The following ARHGAP15 variants were observed in gnomAD, a reference collection of about 807,000 sequenced individuals.
ARHGAP15 encodes rho GTPase-activating protein 15.
Under a neutral mutation model 63.7 loss-of-function variants are expected in ARHGAP15, and 51 were observed. That is an observed-to-expected ratio of 0.80 (90% CI 0.64 to 1.01). The LOEUF (loss-of-function observed/expected upper bound fraction) is 1.01. Among genes scored for constraint, ARHGAP15 ranks in the 50% least tolerant of loss-of-function variants. ARHGAP15 has a pLI of 0.00. For synonymous variants in ARHGAP15, 191 were observed against 193.8 expected (o/e 0.99, Z 0.12); for missense variants, 560 against 564.6 (o/e 0.99, Z 0.08).
chr2:143,694,403 T>C (rs1248125433), intron 12 of ARHGAP15, among the ~76,000 whole-genome samples: 1 of 152,214 alleles, frequency 6.6e-6, no homozygotes, highest in Non-Finnish European at 1.5e-5. Flanking sequence ...TGTGGTAAAA[T>C]GATCATGATA....
chr2:143,272,618 A>C (rs1478472330), intron 6 of ARHGAP15, among the ~76,000 whole-genome samples: 1 of 152,154 alleles, frequency 6.6e-6, no homozygotes, highest in Admixed American at 6.5e-5. Context: ...GCGCCACTGC[A>C]CTCCAGCCTG....
At chr2:143,290,440 A>T (rs1682335039) in intron 6 of ARHGAP15, among the ~76,000 whole-genome samples, 1 of 152,114 alleles carries the variant, frequency 6.6e-6, no homozygotes, top group Non-Finnish European at 1.5e-5. Context: ...AAAAAAAAAA[A>T]GGGCAGCGGC....
chr2:143,286,808 T>C (rs1333295321), intron 6 of ARHGAP15, among the ~76,000 whole-genome samples: 1 of 152,162 alleles, frequency 6.6e-6, no homozygotes, highest in Non-Finnish European at 1.5e-5. Flanking sequence ...GTGAACATCA[T>C]AGAGTGGAAT....
chr2:143,456,621 A>AC (rs5834948), intron 8 of ARHGAP15, among the ~76,000 whole-genome samples: 2 of 152,138 alleles, frequency 1.3e-5, no homozygotes, highest in South Asian at 2.1e-4. Context: ...TCTTCAAGAC[A>AC]GTTATATGTT....
intron 11 of ARHGAP15, among the ~76,000 whole-genome samples, chr2:143,581,649 C>A (rs1186701700): frequency 6.6e-6 from 1 of 152,038 alleles, no homozygotes; most frequent in African/African-American, 2.4e-5. Flanking sequence ...TACTGCCTGG[C>A]AAAGGGATTA....
At position 143,205,167 on chromosome 2, in the gene ARHGAP15, G is replaced by T. The variant is rs575245650; in HGVS notation, c.234+2965G>T. Among the ~76,000 whole-genome samples, 5 of 151,242 alleles carry T rather than the reference G, an allele frequency of 3.3e-5. No homozygotes were observed. In the East Asian group the frequency reaches 9.8e-4, roughly 30 times the overall value. ...CCACGTGTGGTGGCACTCATCTGTA[G>T]TCCCAGCTACTTGTTAGGCTGAGGC... On this transcript the variant is annotated intron_variant, in intron 3 of 13. Coordinates refer to ENST00000295095, the MANE Select transcript of ARHGAP15 (RefSeq NM_018460.4).
chr2:143,433,395 G>A (rs1358815727), intron 6 of ARHGAP15, among the ~76,000 whole-genome samples: 2 of 152,078 alleles, frequency 1.3e-5, no homozygotes, highest in East Asian at 3.9e-4. Context: ...AGGAAAGGAT[G>A]TGAACTGCAT....
chr2:143,600,207 A>C (rs1697710340), intron 11 of ARHGAP15, among the ~76,000 whole-genome samples: 1 of 152,214 alleles, frequency 6.6e-6, no homozygotes. Flanking sequence ...TGAGAAACAG[A>C]ATGATTACAG....
chr2:143,539,300 A>C (rs1268495053), intron 10 of ARHGAP15, among the ~76,000 whole-genome samples: 1 of 151,854 alleles, frequency 6.6e-6, no homozygotes, highest in African/African-American at 2.4e-5. Flanking sequence ...CTAGCGGTCT[A>C]TCAGTTTTGT....
intron 1 of ARHGAP15, among the ~76,000 whole-genome samples, chr2:143,148,271 T>A (rs1689672346): frequency 6.6e-6 from 1 of 152,024 alleles, no homozygotes; most frequent in Non-Finnish European, 1.5e-5. Flanking sequence ...CATTCTCCAC[T>A]GCACTCTAAT....
At chr2:143,194,248 A>T (rs1014075193) in intron 2 of ARHGAP15, among the ~76,000 whole-genome samples, 4 of 152,138 alleles carry the variant, frequency 2.6e-5, no homozygotes, top group Non-Finnish European at 4.4e-5. Flanking sequence ...ATAACATATG[A>T]CTTTAGTTGT....
intron 11 of ARHGAP15, among the ~76,000 whole-genome samples, chr2:143,594,231 G>A (rs1697426236): frequency 6.6e-6 from 1 of 152,174 alleles, no homozygotes; most frequent in South Asian, 2.1e-4. Flanking sequence ...TAAAATAAAT[G>A]TCTGGGATAC....
intron 6 of ARHGAP15, among the ~76,000 whole-genome samples, chr2:143,345,928 A>G (rs1169239913): frequency 6.6e-6 from 1 of 152,000 alleles, no homozygotes. Flanking sequence ...ATTATATGAG[A>G]AATCCTTCTG....
intron 6 of ARHGAP15, among the ~76,000 whole-genome samples, chr2:143,397,043 A>G (rs1687792460): frequency 6.6e-6 from 1 of 152,132 alleles, no homozygotes; most frequent in Admixed American, 6.6e-5. Flanking sequence ...CTCCTCCTCC[A>G]CATTATTTCC....
At chr2:143,430,264 C>A (rs1468078530) in intron 6 of ARHGAP15, among the ~76,000 whole-genome samples, 2 of 151,258 alleles carry the variant, frequency 1.3e-5, no homozygotes, top group African/African-American at 4.9e-5. Context: ...TCACAAAATG[C>A]TTTAACAAGT....
At chr2:143,744,276 T>C in intron 13 of ARHGAP15, among the ~76,000 whole-genome samples, 1 of 152,328 alleles carries the variant, frequency 6.6e-6, no homozygotes, top group Non-Finnish European at 1.5e-5. Context: ...CAGTTCTGCA[T>C]TGTATATGTA....
At chr2:143,569,070 G>T (rs1574645925) in intron 11 of ARHGAP15, among the ~76,000 whole-genome samples, 1 of 152,230 alleles carries the variant, frequency 6.6e-6, no homozygotes, top group East Asian at 1.9e-4. Flanking sequence ...GTAAATGACA[G>T]GTTGATGGGT....
intron 11 of ARHGAP15, among the ~76,000 whole-genome samples, chr2:143,578,985 G>T (rs1256498764): frequency 6.6e-6 from 1 of 152,058 alleles, no homozygotes; most frequent in African/African-American, 2.4e-5. Context: ...CAGCTGAACA[G>T]AAAATGTACA....
intron 6 of ARHGAP15, among the ~76,000 whole-genome samples, chr2:143,424,351 T>A (rs1689057277): frequency 6.6e-6 from 1 of 152,114 alleles, no homozygotes; most frequent in African/African-American, 2.4e-5. Flanking sequence ...GAGTTACACA[T>A]TAGGGATCTA....
Sources: allele counts gnomAD v4.1 joint callset (sites outside exome capture counted in the v4.1 genomes callset), GRCh38; gene constraint gnomAD v4.1.1; transcripts MANE v1.5; gene names NCBI Gene and HGNC (gene_info 2026-07-23, HGNC 2026-07-21).